TRIP11: variants seen among roughly 807,000 people sequenced by gnomAD.
TRIP11 encodes the protein thyroid hormone receptor interactor 11.
In TRIP11, 148 loss-of-function variants were observed where a neutral mutation model predicts 223.1. The observed-to-expected ratio is 0.66, with a 90% CI of 0.58 to 0.76. TRIP11 has a LOEUF of 0.76. Ranked by LOEUF, TRIP11 falls within the 30% of genes least tolerant of loss-of-function variation. The pLI is 0.00. For synonymous variants in TRIP11, 762 were observed against 772.6 expected, an observed-to-expected ratio of 0.99 and a Z score of 0.23; for missense variants, 2,043 against 2,222.0, an observed-to-expected ratio of 0.92 and a Z score of 1.62.
At chr14:92,000,216 A>G in intron 11 of TRIP11, 108 bp from the exon 12 acceptor site, 1 of 1,509,330 alleles carries the variant, frequency 6.6e-7, no homozygotes, top group South Asian at 1.2e-5. Flanking sequence ...TAAATAGGGC[A>G]GCCTCCCGAT....
At chr14:92,012,556 C>T (rs1265907893) in intron 7 of TRIP11, among the ~76,000 whole-genome samples, 1 of 152,060 alleles carries the variant, frequency 6.6e-6, no homozygotes, top group Non-Finnish European at 1.5e-5. Context: ...CAAATGGGGC[C>T]AAGAAGTGGC....
In TRIP11 at chr14:91,977,776, T is replaced by C. The variant is rs374707655; in HGVS notation, c.5261-1587A>G. On this transcript the variant is annotated intron_variant, in intron 16 of 20. Coordinates refer to ENST00000267622, the MANE Select transcript of TRIP11 (RefSeq NM_004239.4). Reference sequence around the variant, plus strand: ...TTCATTCTGCTCTGTACAATGCTTCTGCACAATGCCCAAAATTCCGATTTA... The same window carrying C: ...TTCATTCTGCTCTGTACAATGCTTCCGCACAATGCCCAAAATTCCGATTTA... 6.5e-4 allele frequency among the ~76,000 whole-genome samples: 99 copies of C among 152,276 alleles called. 1 individual carries two copies. The highest frequency in any genetic ancestry group is 2.2e-3 in the African/African-American group (90 of 41,556).
chr14:92,029,739 T>C (rs1424682313), intron 2 of TRIP11, among the ~76,000 whole-genome samples: 1 of 152,204 alleles, frequency 6.6e-6, no homozygotes, highest in Non-Finnish European at 1.5e-5. Flanking sequence ...AGAAGAAAAC[T>C]GACAAAGGAA....
intron 5 of TRIP11, among the ~76,000 whole-genome samples, chr14:92,016,631 A>G (rs542888677): frequency 6.6e-6 from 1 of 152,188 alleles, no homozygotes; most frequent in Non-Finnish European, 1.5e-5. Context: ...TTATGGAAAA[A>G]AGAAAAAAAA....
intron 1 of TRIP11, among the ~76,000 whole-genome samples, chr14:92,035,140 A>G (rs1366486416): frequency 7.2e-6 from 1 of 138,802 alleles, no homozygotes; most frequent in Non-Finnish European, 1.6e-5. Flanking sequence ...CTCCATCTCT[A>G]CTAAAAATAC....
Position 92,021,680 on chromosome 14 carries a change from G to T in TRIP11, c.464C>A (p.Ser155Ter). 6.2e-7 allele frequency: 1 copy of T among 1,614,170 alleles called. No homozygotes were observed. Among genetic ancestry groups the T allele is most frequent in the Non-Finnish European group, 8.5e-7 (1 of 1,180,018 alleles). The change falls in exon 4 of 21, where the codon TCA becomes TAA. Residue 155 changes from serine (S) to a stop codon, truncating the protein, a stop_gained. Transcript: ENST00000267622. LOFTEE classifies it high-confidence loss of function. Reference protein sequence around the residue: ...SFAYGISHHPSAFHDDDMDFG... With the variant: ...SFAYGISHHP ...GTCCATGTCATCGTCATGGAAAGCT[G>T]AAGGATGATGACTAATCCCATAAGC...
chr14:91,999,288 A>G lies in TRIP11; in HGVS notation c.4844T>C (p.Val1615Ala). ...GGATGAAACTAGCTTTTCCTCCAAT[A>G]CTGTGACTTTCTTTCTTAGTTTAGC... ...REAKLRKKVT[V>A]LEEKLVSSSN... Residue 1615 changes from valine (V) to alanine (A), a missense_variant, in exon 13 of 21, where the codon GTA becomes GCA. Coordinates refer to ENST00000267622, the MANE Select transcript of TRIP11 (RefSeq NM_004239.4). 1 of 1,613,868 alleles carries G rather than the reference A, an allele frequency of 6.2e-7. No individual in the cohort carries two copies. The highest frequency in any genetic ancestry group is 1.1e-5 in the South Asian group (1 of 91,080).
chr14:92,006,014 T>C lies in TRIP11; in HGVS notation c.1962A>G (p.Leu654=), dbSNP rs753871413. 1 of 1,591,656 alleles carries C rather than the reference T, an allele frequency of 6.3e-7. No individual in the cohort carries two copies. Among genetic ancestry groups the C allele is most frequent in the Non-Finnish European group, 8.5e-7 (1 of 1,172,592 alleles). Reference sequence around the variant, plus strand: ...GTTCTAATTCTGAAAGATTTTGCTTTAAGTTTCTAACTTCAGCTTCTCTTT... The same window carrying C: ...GTTCTAATTCTGAAAGATTTTGCTTCAAGTTTCTAACTTCAGCTTCTCTTT... The part of the protein sequence containing the change: ...LKEREAEVRN[L]KQNLSELEQL... Residue 654 remains leucine (L), a synonymous_variant, in exon 11 of 21, where the codon TTA becomes TTG. Coordinates refer to ENST00000267622, the MANE Select transcript of TRIP11 (RefSeq NM_004239.4).
At chr14:92,031,383 G>C (rs2057263524) in intron 2 of TRIP11, among the ~76,000 whole-genome samples, 1 of 151,966 alleles carries the variant, frequency 6.6e-6, no homozygotes, top group Admixed American at 6.6e-5. Context: ...GGGATTACAG[G>C]CATGAGCCAC....
chr14:92,034,823 G>A (rs1425263061), intron 1 of TRIP11, among the ~76,000 whole-genome samples: 1 of 152,132 alleles, frequency 6.6e-6, no homozygotes, highest in African/African-American at 2.4e-5. Flanking sequence ...TTGGAGAGAT[G>A]AGGTTTCACT....
Position 92,006,173 on chromosome 14 carries a change from G to A in TRIP11, c.1803C>T (p.Ser601=). The change falls in exon 11 of 21, where the codon AGC becomes AGT. Residue 601 remains serine (S), a synonymous_variant. Coordinates refer to ENST00000267622, the MANE Select transcript of TRIP11 (RefSeq NM_004239.4). ...QLNKSQESNV[S]IQKENLELKE... is the part of the protein sequence containing the mutation. ...TAAGTTCTAAATTCTCCTTCTGGAT[G>A]CTTACATTACTTTCTTGTGATTTAT... is the stretch of plus-strand genomic sequence containing the variant. The A allele has an allele frequency of 6.2e-7, 1 of 1,612,924 alleles. No individual in the cohort carries two copies. Among genetic ancestry groups the A allele is most frequent in the Middle Eastern group, 1.7e-4 (1 of 6,056 alleles).
At chr14:91,982,038 A>C (rs928669053) in intron 16 of TRIP11, among the ~76,000 whole-genome samples, 2 of 152,218 alleles carry the variant, frequency 1.3e-5, no homozygotes, top group Non-Finnish European at 2.9e-5. Context: ...AATTATATTA[A>C]TACAGTATAA....
At chr14:91,984,316 TC>T (rs2056578827) in intron 16 of TRIP11, among the ~76,000 whole-genome samples, 5 of 130,064 alleles carry the variant, frequency 3.8e-5, no homozygotes, top group Admixed American at 7.2e-5. Context: ...TTTTTTCTTT[TC>T]TTTTTTTTTT....
chr14:92,039,629 G>C lies in TRIP11; in HGVS notation c.57C>G (p.Val19=), dbSNP rs763091330. The change falls in exon 1 of 21, where the codon GTC becomes GTG. Residue 19 remains valine, a synonymous_variant. Coordinates refer to ENST00000267622, the MANE Select transcript of TRIP11 (RefSeq NM_004239.4). ...CAGTGAGGGAAGCCAGGCTGCCCCC[G>C]ACTTGACCCAGAGACTGGCCCAATC... is the stretch of plus-strand genomic sequence containing the variant. The part of the protein sequence containing the change: ...GSGLGQSLGQ[V]GGSLASLTGQ... The C allele has an allele frequency of 2.5e-6, 4 of 1,612,492 alleles. No individual in the cohort carries two copies.
chr14:91,984,440 C>T (rs1311844496), intron 16 of TRIP11, among the ~76,000 whole-genome samples: 1 of 151,704 alleles, frequency 6.6e-6, no homozygotes, highest in Non-Finnish European at 1.5e-5. Flanking sequence ...CTCAGCCTCC[C>T]AAGAAGCTGG....
intron 15 of TRIP11, among the ~76,000 whole-genome samples, chr14:91,988,946 C>T (rs1207907725): frequency 6.6e-6 from 1 of 152,170 alleles, no homozygotes; most frequent in Non-Finnish European, 1.5e-5. Flanking sequence ...AGATATGAAG[C>T]TTTTTCACCT....
At chr14:92,009,768 T>C (rs2056948778) in intron 9 of TRIP11, among the ~76,000 whole-genome samples, 1 of 152,148 alleles carries the variant, frequency 6.6e-6, no homozygotes, top group Admixed American at 6.5e-5. Flanking sequence ...GTTGGAAATA[T>C]GGTATGTAAA....
rs1196018751 is a variant in TRIP11, at chr14:92,005,335, G to T, written c.2641C>A (p.Pro881Thr). ...TCAAGGGTTTTAGGGTCAGCCACAG[G>T]TGCGGTTCGACTCTGCTCTTCCCTG... Reference protein sequence around the residue: ...RLREEQSRTAPVADPKTLDSV... With the variant: ...RLREEQSRTATVADPKTLDSV... The change falls in exon 11 of 21, where the codon CCT becomes ACT. Residue 881 changes from proline to threonine, a missense_variant. Transcript: ENST00000267622. 4 of 1,613,992 alleles carry T rather than the reference G, an allele frequency of 2.5e-6. No homozygotes were observed. Among genetic ancestry groups the T allele is most frequent in the African/African-American group, 1.3e-5 (1 of 74,904 alleles).
intron 1 of TRIP11, among the ~76,000 whole-genome samples, chr14:92,035,364 T>C (rs2057312771): frequency 6.6e-6 from 1 of 151,766 alleles, no homozygotes; most frequent in Admixed American, 6.6e-5. Context: ...GAGTTAGATT[T>C]TTTTTCTAAG....
Sources: allele counts gnomAD v4.1 joint callset (sites outside exome capture counted in the v4.1 genomes callset), GRCh38; gene constraint gnomAD v4.1.1; transcripts MANE v1.5; gene names NCBI Gene and HGNC (gene_info 2026-07-23, HGNC 2026-07-21).